The following RAB6B variants were observed in gnomAD, a reference collection of about 807,000 sequenced individuals.
RAB6B encodes ras-related protein Rab-6B.
A neutral mutation model predicts 31.2 loss-of-function variants in RAB6B; 7 were observed. The ratio of observed to expected loss-of-function variants is 0.22; its 90% CI spans 0.13 to 0.42. RAB6B has a LOEUF of 0.42. RAB6B is among the 10% of genes least tolerant of loss of function. The probability of loss-of-function intolerance (pLI) is 1.00; values close to 1 mark genes in which losing one functional copy is unlikely to be tolerated. For synonymous variants in RAB6B, 105 were observed against 104.9 expected, an observed-to-expected ratio of 1.00 and a Z score of -0.01; for missense variants, 149 against 280.6, an observed-to-expected ratio of 0.53 and a Z score of 3.35.
At chr3:133,868,705 A>G (rs553502227) in intron 1 of RAB6B, among the ~76,000 whole-genome samples, 43 of 152,300 alleles carry the variant, frequency 2.8e-4, no homozygotes, top group Admixed American at 2.3e-3. Flanking sequence ...TTAAGCAAGG[A>G]GATGCATTTC....
chr3:133,847,892 G>C (rs1050814851), intron 2 of RAB6B, among the ~76,000 whole-genome samples: 9 of 152,066 alleles, frequency 5.9e-5, no homozygotes, highest in African/African-American at 1.9e-4. Flanking sequence ...GTTCCTTATT[G>C]TTCTCTTCTA....
chr3:133,893,808 G>A (rs1201689577), intron 1 of RAB6B, among the ~76,000 whole-genome samples: 1 of 152,184 alleles, frequency 6.6e-6, no homozygotes, highest in Admixed American at 6.5e-5. Context: ...TCCAGGCCGG[G>A]TGAGACTAGC....
At chr3:133,871,612 T>G (rs1328275186) in intron 1 of RAB6B, among the ~76,000 whole-genome samples, 1 of 152,224 alleles carries the variant, frequency 6.6e-6, no homozygotes, top group African/African-American at 2.4e-5. Context: ...ACTCCTCCAC[T>G]GACACTGCCT....
intron 1 of RAB6B, among the ~76,000 whole-genome samples, chr3:133,893,095 A>G (rs1936658982): frequency 6.6e-6 from 1 of 152,198 alleles, no homozygotes; most frequent in African/African-American, 2.4e-5. Flanking sequence ...TCTAATGACC[A>G]TGTTCCAAGG....
intron 1 of RAB6B, among the ~76,000 whole-genome samples, chr3:133,880,259 G>C (rs1302677563): frequency 1.3e-5 from 2 of 152,214 alleles, no homozygotes; most frequent in African/African-American, 4.8e-5. Context: ...ATATACCCAA[G>C]GCTTAACTGC....
chr3:133,838,120 ACCGTGCCGGGCC>A (rs55955021), intron 6 of RAB6B, 34 bp downstream of exon 6: 892,153 of 1,548,412 alleles, frequency 0.58, 262,269 homozygotes, highest in Non-Finnish European at 0.6. Context: ...ACAGGGCTAC[ACCGTGCCGGGCC>A]CCGTGCCGGG....
At chr3:133,873,558 T>A (rs1444601917) in intron 1 of RAB6B, among the ~76,000 whole-genome samples, 3 of 152,230 alleles carry the variant, frequency 2.0e-5, no homozygotes, top group Non-Finnish European at 4.4e-5. Context: ...CCCCCTCTCC[T>A]GCCCTGCAAA....
chr3:133,851,846 A>C (rs569056460), intron 2 of RAB6B, among the ~76,000 whole-genome samples: 1 of 152,202 alleles, frequency 6.6e-6, no homozygotes, highest in Non-Finnish European at 1.5e-5. Flanking sequence ...ATGAAATAAA[A>C]GACGACCTTC....
In RAB6B at chr3:133,876,480, TGAGA is replaced by T. The variant is rs530129758; in HGVS notation, c.71-11842_71-11839del. 9.0e-4 allele frequency among the ~76,000 whole-genome samples: 137 copies of T among 152,158 alleles called. 1 individual carries two copies. The highest frequency in any genetic ancestry group is 2.5e-3 in the South Asian group (12 of 4,808). ...CTCTCTTATTCACAACTACAAATGCTGAGAGAGATAAAATATAAGGCAAAAGTTA... is the reference window on the plus strand; with the variant it reads ...CTCTCTTATTCACAACTACAAATGCTGAGATAAAATATAAGGCAAAAGTTA... On this transcript the variant is annotated intron_variant, in intron 1 of 7. Transcript: ENST00000285208.
intron 2 of RAB6B, among the ~76,000 whole-genome samples, chr3:133,856,063 G>A (rs868761857): frequency 5.5e-4 from 83 of 152,014 alleles, no homozygotes; most frequent in African/African-American, 1.7e-3. Flanking sequence ...AGGCCACGAC[G>A]GCAGAATGGA....
chr3:133,827,772 C>T lies in RAB6B; in HGVS notation c.*1016G>A. On this transcript the variant is annotated 3_prime_UTR_variant, in exon 8 of 8. Coordinates refer to ENST00000285208, the MANE Select transcript of RAB6B (RefSeq NM_016577.4). ...CCCCCCCCCCCCCCCGCCTCCCCATCACAGAGGATCAACTCCAGGTGGTCC... is the reference window on the plus strand; with the variant it reads ...CCCCCCCCCCCCCCCGCCTCCCCATTACAGAGGATCAACTCCAGGTGGTCC... 5.1e-6 allele frequency: 1 copy of T among 195,184 alleles called. No individual in the cohort carries two copies. The highest frequency in any genetic ancestry group is 4.9e-5 in the Admixed American group (1 of 20,286). The allele number at this position is 195,184 out of a possible 1,614,324, so 12.1% of individuals were successfully genotyped here.
At chr3:133,836,594 C>A (rs1935738656) in intron 6 of RAB6B, among the ~76,000 whole-genome samples, 1 of 152,172 alleles carries the variant, frequency 6.6e-6, no homozygotes, top group African/African-American at 2.4e-5. Flanking sequence ...GCCTCCCTGA[C>A]CCTGACGGCT....
chr3:133,893,936 T>A (rs982173028), intron 1 of RAB6B, among the ~76,000 whole-genome samples: 4 of 152,076 alleles, frequency 2.6e-5, no homozygotes, highest in Admixed American at 2.0e-4. Flanking sequence ...GCTGGCTGAG[T>A]GGATCTTCTT....
At position 133,828,812 on chromosome 3, in the gene RAB6B, G is replaced by A. The variant is rs754789249; in HGVS notation, c.603C>T (p.Ala201=). ...IKLDKPQEPP[A]SEGGCSC is the part of the protein sequence containing the mutation. ...ATTAGCAGGAGCAGCCGCCCTCGCT[G>A]GCCGGGGGCTCCTGGGGTTTGTCCA... The change falls in exon 8 of 8, where the codon GCC becomes GCT. Residue 201 remains alanine, a synonymous_variant. Coordinates refer to ENST00000285208, the MANE Select transcript of RAB6B (RefSeq NM_016577.4). The A allele has an allele frequency of 1.2e-6, 2 of 1,613,072 alleles. No homozygotes were observed. The highest frequency in any genetic ancestry group is 2.2e-5 in the South Asian group (2 of 91,050).
intron 7 of RAB6B, 86 bp from the exon 8 acceptor site, chr3:133,828,938 GCT>G: frequency 7.9e-7 from 1 of 1,266,628 alleles, no homozygotes; most frequent in Non-Finnish European, 1.1e-6. Context: ...TTTGGCTACT[GCT>G]CTGTTTCTCT....
intron 1 of RAB6B, among the ~76,000 whole-genome samples, chr3:133,879,872 T>C (rs1016313282): frequency 6.6e-6 from 1 of 152,194 alleles, no homozygotes; most frequent in South Asian, 2.1e-4. Context: ...CCTATTCTCA[T>C]AGCTCAGAGA....
intron 2 of RAB6B, among the ~76,000 whole-genome samples, chr3:133,849,821 TC>T (rs1935953427): frequency 6.6e-6 from 1 of 152,156 alleles, no homozygotes; most frequent in South Asian, 2.1e-4. Flanking sequence ...GAAGTTCATT[TC>T]CCAGAAGAGA....
At chr3:133,847,944 CTGTTT>C (rs1391273311) in intron 2 of RAB6B, among the ~76,000 whole-genome samples, 1 of 152,150 alleles carries the variant, frequency 6.6e-6, no homozygotes, top group African/African-American at 2.4e-5. Flanking sequence ...GGCATTTCCA[CTGTTT>C]TGTTTCAGAG....
At chr3:133,834,197 G>A (rs745860125) in intron 7 of RAB6B, among the ~76,000 whole-genome samples, 17 of 152,220 alleles carry the variant, frequency 1.1e-4, no homozygotes, top group Non-Finnish European at 2.1e-4. Flanking sequence ...ACTGAACCAC[G>A]TTGAGATCAT....
Sources: gnomAD v4.1 joint callset for allele counts (sites outside exome capture counted in the v4.1 genomes callset) on GRCh38, gnomAD v4.1.1 for gene constraint, MANE v1.5 for transcripts, NCBI Gene and HGNC (gene_info 2026-07-23, HGNC 2026-07-21) for gene names.